Variants in KIF22 observed in about 807,000 individuals in gnomAD.
The protein encoded by KIF22 is kinesin-like protein KIF22.
KIF22 carries 62 observed loss-of-function variants against 73.0 expected under a neutral mutation model. The observed-to-expected ratio is 0.85, with a 90% CI of 0.69 to 1.05. KIF22 has a LOEUF of 1.05. Ranked by LOEUF, KIF22 falls within the 50% of genes least tolerant of loss-of-function variation. The pLI is 0.00. For missense variants in KIF22, 854 were observed against 870.1 expected (o/e 0.98, Z 0.23); for synonymous variants, 411 against 340.1 (o/e 1.21, Z -2.29).
chr16:29,799,060 A>C lies in KIF22; in HGVS notation c.635A>C (p.Gln212Pro). 1 of 1,614,212 alleles carries C rather than the reference A, an allele frequency of 6.2e-7. No homozygotes were observed. Among genetic ancestry groups the C allele is most frequent in the East Asian group, 2.2e-5 (1 of 44,884 alleles). ...AATATCCTGATTCCGGGTCTCTCCC[A>C]GAAGCCCATCAGTAGCTTTGCTGAT... The part of the protein sequence containing the change: ...RGNILIPGLS[Q>P]KPISSFADFE... The change falls in exon 5 of 14, where the codon CAG becomes CCG. Residue 212 changes from glutamine to proline, a missense_variant. Physicochemically the swap from Gln to Pro is moderately conservative, Grantham distance 76. Around this residue, in one of 3 missense-constraint regions of KIF22, gnomAD observed 245 missense variants for 351.8 expected, o/e 0.70. Transcript: ENST00000160827.
intron 1 of KIF22, among the ~76,000 whole-genome samples, chr16:29,791,886 G>A (rs1898828337): frequency 6.6e-6 from 1 of 152,144 alleles, no homozygotes; most frequent in African/African-American, 2.4e-5. Flanking sequence ...CACTGTGTCC[G>A]GTGCATGGTA....
At chr16:29,804,179 C>A in intron 11 of KIF22, 114 bp downstream of exon 11, 1 of 816,210 alleles carries the variant, frequency 1.2e-6, no homozygotes, top group Non-Finnish European at 2.1e-6. Context: ...TGGCCGCCAG[C>A]TACTAACAGA....
At chr16:29,795,272 C>T (rs1316112537) in intron 1 of KIF22, among the ~76,000 whole-genome samples, 2 of 152,166 alleles carry the variant, frequency 1.3e-5, no homozygotes, top group African/African-American at 2.4e-5. Context: ...GCTACCATAA[C>T]GTGAGAAATG....
intron 1 of KIF22, among the ~76,000 whole-genome samples, chr16:29,792,122 T>C (rs1898834392): frequency 6.6e-6 from 1 of 152,172 alleles, no homozygotes; most frequent in Non-Finnish European, 1.5e-5. Context: ...TTGCCAGGCC[T>C]TGACTAAGAA....
Position 29,803,535 on chromosome 16 carries a change from C to G in KIF22, c.1536C>G (p.Leu512=), listed in dbSNP as rs763557771. ...EEKENHCPTM[L]RPLSHRTVTG... is the part of the protein sequence containing the mutation. Reference sequence around the variant, plus strand: ...AGGAGAACCATTGTCCCACAATGCTCCGGCCCCTTTCACATCGCACAGTCA... The same window carrying G: ...AGGAGAACCATTGTCCCACAATGCTGCGGCCCCTTTCACATCGCACAGTCA... Residue 512 remains leucine, a synonymous_variant, in exon 10 of 14, where the codon CTC becomes CTG. Transcript: ENST00000160827. 1.2e-6 allele frequency: 2 copies of G among 1,614,082 alleles called. No individual in the cohort carries two copies. The highest frequency in any genetic ancestry group is 1.7e-6 in the Non-Finnish European group (2 of 1,179,956).
At chr16:29,799,531 G>A (rs1899059303) in intron 6 of KIF22, 37 bp downstream of exon 6, 2 of 1,612,702 alleles carry the variant, frequency 1.2e-6, no homozygotes, top group East Asian at 2.2e-5. Context: ...AGGGGCTGCA[G>A]AAGGAGGTTC....
At position 29,799,607 on chromosome 16, in the gene KIF22, ACTGCCTG is replaced by A. The variant is rs1177885834; in HGVS notation, c.991-20_991-14del. The A allele has an allele frequency of 2.5e-6, 4 of 1,613,690 alleles. No homozygotes were observed. Among genetic ancestry groups the A allele is most frequent in the Non-Finnish European group, 2.5e-6 (3 of 1,179,826 alleles). On this transcript the variant is annotated splice_polypyrimidine_tract_variant and intron_variant, in intron 6 of 13. Transcript: ENST00000160827. ...GGAAGGCTGGGCTTCTGACCCACCC[ACTGCCTG>A]GTCTCACCCTCAGGACTCTCTGGGT... is the stretch of plus-strand genomic sequence containing the variant.
At chr16:29,799,872 AC>A in intron 7 of KIF22, 40 bp from the exon 8 acceptor site, 1 of 1,611,994 alleles carries the variant, frequency 6.2e-7, no homozygotes, top group Non-Finnish European at 8.5e-7. Context: ...GAGGCTGACC[AC>A]CCCCAATCCC....
chr16:29,799,031 G>T lies in KIF22; in HGVS notation c.606G>T (p.Arg202=), dbSNP rs1284753608. The part of the protein sequence containing the change: ...SGDLVIREDC[R]GNILIPGLSQ... The stretch of plus-strand genomic sequence containing the variant: ...ACCTGGTAATCCGAGAAGACTGCCG[G>T]GGGAATATCCTGATTCCGGGTCTCT... Residue 202 remains arginine (R), a synonymous_variant, in exon 5 of 14, where the codon CGG becomes CGT. Transcript: ENST00000160827. 4.3e-6 allele frequency: 7 copies of T among 1,614,166 alleles called. No individual in the cohort carries two copies. Among genetic ancestry groups the T allele is most frequent in the Non-Finnish European group, 5.9e-6 (7 of 1,180,028 alleles).
At chr16:29,792,988 A>G (rs1285689282) in intron 1 of KIF22, among the ~76,000 whole-genome samples, 1 of 152,234 alleles carries the variant, frequency 6.6e-6, no homozygotes, top group Non-Finnish European at 1.5e-5. Context: ...AGAGATTTAA[A>G]GAGATAGACT....
chr16:29,796,284 AAC>A (rs1407553871), intron 1 of KIF22, among the ~76,000 whole-genome samples: 7 of 146,676 alleles, frequency 4.8e-5, no homozygotes, highest in Non-Finnish European at 7.5e-5. Context: ...AAAAAAAAAA[AAC>A]ACACACACAC....
At position 29,798,193 on chromosome 16, in the gene KIF22, AG is replaced by A. The variant is rs938963306; in HGVS notation, c.267-179del. Among the ~76,000 whole-genome samples, 1 of 152,156 alleles carries A rather than the reference AG, an allele frequency of 6.6e-6. No homozygotes were observed. The highest frequency in any genetic ancestry group is 2.4e-5 in the African/African-American group (1 of 41,426). On this transcript the variant is annotated intron_variant, in intron 2 of 13. Transcript: ENST00000160827. The surrounding 1 kb of genome is among the most constrained non-coding windows in gnomAD (Gnocchi z 4.1). ...ACCAATAGAGAGATGAGGATGGAGT[AG>A]GTGTTAGGTGGATGCTTTTTAAGGT...
chr16:29,798,824 T>C lies in KIF22; in HGVS notation c.549+77T>C. The C allele has an allele frequency of 1.9e-6, 3 of 1,575,022 alleles. No homozygotes were observed. Among genetic ancestry groups the C allele is most frequent in the Non-Finnish European group, 2.6e-6 (3 of 1,156,848 alleles). The stretch of plus-strand genomic sequence containing the variant: ...CTGGTTCTAGAACATGAAGCTCTGC[T>C]GTAGCAGGGAGGTAAGGTGAGACCT... On this transcript the variant is annotated intron_variant, in intron 4 of 13. Transcript: ENST00000160827. The surrounding 1 kb of genome is among the most constrained non-coding windows in gnomAD (Gnocchi z 4.1).
At position 29,804,857 on chromosome 16, in the gene KIF22, ACTG is replaced by A. The variant is rs778729455; in HGVS notation, c.1725_1727del (p.Cys575del). ...CTAGAGCCTGAGGAGAAGGCTGAGGACTGCTGGGAGCTACAGATCAGCCCGGAG... is the reference window on the plus strand; with the variant it reads ...CTAGAGCCTGAGGAGAAGGCTGAGGACTGGGAGCTACAGATCAGCCCGGAG... On this transcript the variant is annotated inframe_deletion, in exon 12 of 14. Transcript: ENST00000160827. 13 of 1,613,606 alleles carry A rather than the reference ACTG, an allele frequency of 8.1e-6. No individual in the cohort carries two copies. The highest frequency in any genetic ancestry group is 1.1e-5 in the Non-Finnish European group (13 of 1,179,852).
intron 11 of KIF22, 52 bp from the exon 12 acceptor site, chr16:29,804,762 G>T (rs1360750366): frequency 2.1e-6 from 3 of 1,446,786 alleles, no homozygotes; most frequent in Non-Finnish European, 2.8e-6. Context: ...TGGCAGAGGA[G>T]CCCAAAGCAC....
intron 1 of KIF22, among the ~76,000 whole-genome samples, chr16:29,794,388 CAA>C (rs1420520259): frequency 2.0e-5 from 3 of 152,170 alleles, no homozygotes; most frequent in African/African-American, 4.8e-5. Flanking sequence ...AACAACCTAA[CAA>C]AGAGGTATTT....
chr16:29,805,302 G>T lies in KIF22; in HGVS notation c.1990G>T (p.Ala664Ser). 6.2e-7 allele frequency: 1 copy of T among 1,613,372 alleles called. No individual in the cohort carries two copies. Residue 664 changes from alanine (A) to serine (S), a missense_variant, in exon 14 of 14, where the codon GCC (alanine) becomes TCC (serine). Ala to Ser is a moderately conservative substitution (Grantham distance 99, BLOSUM62 1). Transcript: ENST00000160827. ...LGLAAGQRCG[A>S]S ...TCTCGCCGCCGGCCAGCGCTGTGGCGCCTCCTGACCGTCGTCTCCTCACTC... is the reference window on the plus strand; with the variant it reads ...TCTCGCCGCCGGCCAGCGCTGTGGCTCCTCCTGACCGTCGTCTCCTCACTC...
chr16:29,805,075 A>C (rs1268935716), intron 12 of KIF22, 40 bp from the exon 13 acceptor site: 50 of 1,611,936 alleles, frequency 3.1e-5, no homozygotes, highest in Non-Finnish European at 3.7e-5. Context: ...GAGACCGGGT[A>C]CCCCCGAGAC....
rs1319926985 is a variant in KIF22 at position 29,805,306 on chromosome 16, C to G, written c.1994C>G (p.Ser665Cys). ...GLAAGQRCGAS is the reference protein window; with the variant it reads ...GLAAGQRCGAC ...GCCGCCGGCCAGCGCTGTGGCGCCT[C>G]CTGACCGTCGTCTCCTCACTCCGCC... The change falls in exon 14 of 14, where the codon TCC becomes TGC. Residue 665 changes from serine (S) to cysteine (C), a missense_variant. By Grantham distance (112) the Ser-to-Cys change is moderately radical. This residue lies in a region of KIF22 where 423 missense variants were observed against 365.4 expected (regional missense o/e 1.16). Coordinates refer to ENST00000160827, the MANE Select transcript of KIF22 (RefSeq NM_007317.3). The G allele has an allele frequency of 6.2e-7, 1 of 1,613,242 alleles. No homozygotes were observed. The highest frequency in any genetic ancestry group is 8.5e-7 in the Non-Finnish European group (1 of 1,180,012).
Sources: allele counts gnomAD v4.1 joint callset (sites outside exome capture counted in the v4.1 genomes callset), GRCh38; gene constraint gnomAD v4.1.1; regional missense constraint gnomAD v4.1.1; non-coding constraint Gnocchi (gnomAD v3.1); transcripts MANE v1.5; gene names NCBI Gene and HGNC (gene_info 2026-07-23, HGNC 2026-07-21).